The following COL26A1 variants were observed in gnomAD, a reference collection of about 807,000 sequenced individuals.
The protein encoded by COL26A1 is collagen alpha-1(XXVI) chain.
A neutral mutation model predicts 59.3 loss-of-function variants in COL26A1; 41 were observed. That is an observed-to-expected ratio of 0.69 (90% CI 0.54 to 0.90). The LOEUF (loss-of-function observed/expected upper bound fraction) is 0.90. COL26A1 is among the 40% of genes least tolerant of loss of function. The pLI is 0.00. For synonymous variants in COL26A1, 266 were observed against 256.0 expected, an observed-to-expected ratio of 1.04 and a Z score of -0.37; for missense variants, 612 against 602.3, an observed-to-expected ratio of 1.02 and a Z score of -0.17.
intron 3 of COL26A1, among the ~76,000 whole-genome samples, chr7:101,504,156 A>G (rs1005674760): frequency 1.3e-5 from 2 of 151,886 alleles, no homozygotes; most frequent in African/African-American, 4.8e-5. Flanking sequence ...GCTGGAGTGC[A>G]GTGGTGCAAT....
At chr7:101,545,594 C>A in intron 7 of COL26A1, 104 bp downstream of exon 7, 1 of 1,250,018 alleles carries the variant, frequency 8.0e-7, no homozygotes, top group Non-Finnish European at 1.1e-6. Flanking sequence ...CCACCACATG[C>A]CCATCCTGCT....
chr7:101,393,026 G>A (rs1584367504), intron 1 of COL26A1, among the ~76,000 whole-genome samples: 1 of 146,028 alleles, frequency 6.8e-6, no homozygotes, highest in African/African-American at 2.5e-5. Flanking sequence ...TTTTTGAGAT[G>A]GAGTCTCGCT....
rs1794633574 is a variant in COL26A1, at chr7:101,498,438, A to G, written c.386-34644A>G. Among the ~76,000 whole-genome samples, 5 of 152,286 alleles carry G rather than the reference A, an allele frequency of 3.3e-5. No individual in the cohort carries two copies. The South Asian group carries it at 1.0e-3, about 32-fold the overall frequency. ...AGAGTTACACCAGAATGATAGAGAG[A>G]GGAGACCCAGGTGTGCACAGCCCGC... On this transcript the variant is annotated intron_variant, in intron 3 of 12. Transcript: ENST00000313669.
intron 3 of COL26A1, among the ~76,000 whole-genome samples, chr7:101,468,934 G>A (rs990689626): frequency 2.6e-5 from 4 of 152,184 alleles, no homozygotes; most frequent in Admixed American, 6.5e-5. Flanking sequence ...CTGCTGCACC[G>A]GGTGGACCTT....
intron 3 of COL26A1, among the ~76,000 whole-genome samples, chr7:101,480,931 A>G (rs1286839498): frequency 4.6e-5 from 7 of 152,178 alleles, no homozygotes. Flanking sequence ...GGATTGTGGA[A>G]CCATTCTTCC....
chr7:101,432,468 T>C (rs1426726634), intron 2 of COL26A1, among the ~76,000 whole-genome samples: 1 of 149,782 alleles, frequency 6.7e-6, no homozygotes, highest in African/African-American at 2.5e-5. Flanking sequence ...AATTCCTGGC[T>C]TGAGCAGTTG....
intron 3 of COL26A1, among the ~76,000 whole-genome samples, chr7:101,465,030 CTTTCT>C: frequency 7.2e-6 from 1 of 139,394 alleles, no homozygotes; most frequent in Non-Finnish European, 1.6e-5. Flanking sequence ...CTAATTCTTT[CTTTCT>C]TTTTTTTTTT....
upstream of COL26A1, chr7:101,362,828 A>C (rs1790921591): frequency 1.8e-6 from 1 of 559,702 alleles, no homozygotes; most frequent in Admixed American, 3.7e-5. Context: ...GACGGCTTAG[A>C]GCCCACCTCG....
intron 3 of COL26A1, among the ~76,000 whole-genome samples, chr7:101,527,497 T>G (rs1368739585): frequency 6.6e-6 from 1 of 151,258 alleles, no homozygotes; most frequent in African/African-American, 2.4e-5. Context: ...CCAGCTGATT[T>G]TTTTTTTTTT....
intron 5 of COL26A1, among the ~76,000 whole-genome samples, chr7:101,543,174 CTT>C (rs11363180): frequency 6.1e-5 from 9 of 148,150 alleles, no homozygotes; most frequent in African/African-American, 1.7e-4. Context: ...GATCAGCAAA[CTT>C]TTTTTTTTTT....
intron 4 of COL26A1, among the ~76,000 whole-genome samples, chr7:101,533,993 G>T (rs1032665139): frequency 6.6e-6 from 1 of 152,230 alleles, no homozygotes; most frequent in Non-Finnish European, 1.5e-5. Flanking sequence ...TGTCTGCCCC[G>T]ATGGGGACAA....
At chr7:101,470,757 G>A (rs1584436752) in intron 3 of COL26A1, among the ~76,000 whole-genome samples, 2 of 151,850 alleles carry the variant, frequency 1.3e-5, no homozygotes, top group Non-Finnish European at 1.5e-5. Context: ...ACATAGGCTC[G>A]ATTGATTACA....
intron 1 of COL26A1, among the ~76,000 whole-genome samples, chr7:101,382,158 C>T (rs1791464425): frequency 6.6e-6 from 1 of 152,148 alleles, no homozygotes. Flanking sequence ...AAGCAATCCT[C>T]CTGCCTCAGC....
At chr7:101,466,850 T>A (rs981437911) in intron 3 of COL26A1, among the ~76,000 whole-genome samples, 21 of 80,832 alleles carry the variant, frequency 2.6e-4, no homozygotes, top group African/African-American at 9.8e-4. Flanking sequence ...GAGAGAGAGA[T>A]TCAGTCTCTG....
At chr7:101,390,850 T>A (rs952246660) in intron 1 of COL26A1, among the ~76,000 whole-genome samples, 1 of 152,312 alleles carries the variant, frequency 6.6e-6, no homozygotes, top group Admixed American at 6.5e-5. Flanking sequence ...GGAAGCTCAG[T>A]GGGCTGTGCA....
At chr7:101,504,084 C>T (rs1794757336) in intron 3 of COL26A1, among the ~76,000 whole-genome samples, 1 of 152,102 alleles carries the variant, frequency 6.6e-6, no homozygotes, top group African/African-American at 2.4e-5. Flanking sequence ...GCTCACTACC[C>T]CAGCTGAGCC....
Position 101,363,189 on chromosome 7 carries a change from C to A in COL26A1, c.157C>A (p.Arg53=), listed in dbSNP as rs929556059. 13 of 1,094,836 alleles carry A rather than the reference C, an allele frequency of 1.2e-5. 1 individual carries two copies. The highest frequency in any genetic ancestry group is 2.2e-5 in the African/African-American group (1 of 45,500). The allele number at this position is 1,094,836 out of a possible 1,614,324, so 67.8% of individuals were successfully genotyped here. The change falls in exon 1 of 13, where the codon CGG becomes AGG. Residue 53 remains arginine, a splice_region_variant and synonymous_variant. Coordinates refer to ENST00000313669, the MANE Select transcript of COL26A1 (RefSeq NM_001278563.3). ...CCCTGGCAGCGGCTACGCGAGCCGC[C>A]GGTGAGTAGCTCGGGGCCGAGGGGC... ...GSPGSGYASR[R]HWCHHTVTRT...
At chr7:101,368,989 T>C (rs1430036331) in intron 1 of COL26A1, among the ~76,000 whole-genome samples, 1 of 139,908 alleles carries the variant, frequency 7.1e-6, no homozygotes, top group Middle Eastern at 3.5e-3. Flanking sequence ...TAACAGTGTG[T>C]ATGAGTATGT....
intron 3 of COL26A1, among the ~76,000 whole-genome samples, chr7:101,456,511 A>G (rs994299631): frequency 6.6e-5 from 10 of 152,194 alleles, no homozygotes; most frequent in African/African-American, 2.4e-4. Flanking sequence ...CTAAAAATAC[A>G]AAATTAGCCG....
Sources: gnomAD v4.1 joint callset for allele counts (sites outside exome capture counted in the v4.1 genomes callset) on GRCh38, gnomAD v4.1.1 for gene constraint, MANE v1.5 for transcripts, NCBI Gene and HGNC (gene_info 2026-07-23, HGNC 2026-07-21) for gene names.